PABPC4L: variants seen among roughly 807,000 people sequenced by gnomAD.
The protein encoded by PABPC4L is polyadenylate-binding protein 4-like.
For synonymous variants in PABPC4L, 169 were observed against 164.1 expected (o/e 1.03, Z -0.23); for missense variants, 452 against 451.4 (o/e 1.00, Z -0.01).
chr4:134,129,309 C>A, the PABPC4L span, among the ~76,000 whole-genome samples: 1 of 152,060 alleles, frequency 6.6e-6, no homozygotes, highest in African/African-American at 2.4e-5. Flanking sequence ...TTAGACTATA[C>A]CCTAGAACAA....
the PABPC4L span, among the ~76,000 whole-genome samples, chr4:134,180,524 C>T: frequency 2.6e-5 from 4 of 151,466 alleles, no homozygotes; most frequent in Non-Finnish European, 5.9e-5. Context: ...CAAGAAATAA[C>T]CAAAGTTAGA....
chr4:133,958,846 C>G, the PABPC4L span, among the ~76,000 whole-genome samples: 8 of 152,108 alleles, frequency 5.3e-5, no homozygotes, highest in Non-Finnish European at 1.0e-4. Flanking sequence ...AACTACAATT[C>G]AAAATGAGAT....
At chr4:134,059,386 C>CTATATATATATATA in the PABPC4L span, among the ~76,000 whole-genome samples, 22 of 142,536 alleles carry the variant, frequency 1.5e-4, no homozygotes, top group Non-Finnish European at 2.6e-4. Flanking sequence ...AGGAAACAAA[C>CTATATATATATATA]TATATATATA....
chr4:134,011,301 T>C, the PABPC4L span, among the ~76,000 whole-genome samples: 1 of 152,030 alleles, frequency 6.6e-6, no homozygotes, highest in Admixed American at 6.6e-5. Context: ...ATCAGGAAAT[T>C]AGTTAACATT....
chr4:134,141,374 G>T, the PABPC4L span, among the ~76,000 whole-genome samples: 4 of 143,478 alleles, frequency 2.8e-5, no homozygotes, highest in East Asian at 8.0e-4. Context: ...GGATAAAAAT[G>T]AAAAAAAAAA....
At chr4:134,083,761 CT>C in the PABPC4L span, among the ~76,000 whole-genome samples, 1 of 152,146 alleles carries the variant, frequency 6.6e-6, no homozygotes, top group African/African-American at 2.4e-5. Context: ...GACAACAGGT[CT>C]AAAAGCATCA....
At chr4:133,996,837 G>A in the PABPC4L span, among the ~76,000 whole-genome samples, 1 of 152,162 alleles carries the variant, frequency 6.6e-6, no homozygotes, top group Admixed American at 6.5e-5. Flanking sequence ...AAGGCTTGGA[G>A]CAAACACAAT....
At chr4:134,051,498 G>A in the PABPC4L span, among the ~76,000 whole-genome samples, 1 of 152,118 alleles carries the variant, frequency 6.6e-6, no homozygotes, top group East Asian at 1.9e-4. Flanking sequence ...ACTGCCAATT[G>A]AGCATTCTGG....
chr4:133,949,479 T>C, the PABPC4L span, among the ~76,000 whole-genome samples: 12 of 152,200 alleles, frequency 7.9e-5, no homozygotes, highest in Non-Finnish European at 2.9e-5. Context: ...CCACCCCCAG[T>C]GAAGGGGCTC....
chr4:134,148,479 A>C, the PABPC4L span, among the ~76,000 whole-genome samples: 1 of 152,064 alleles, frequency 6.6e-6, no homozygotes, highest in African/African-American at 2.4e-5. Context: ...TCCATCTTTT[A>C]CTGCTCCTAT....
At chr4:133,992,518 C>T in the PABPC4L span, among the ~76,000 whole-genome samples, 27 of 152,206 alleles carry the variant, frequency 1.8e-4, no homozygotes, top group East Asian at 4.1e-3. Context: ...TTTTACCTGG[C>T]ACCTTAGTCC....
At chr4:134,132,721 A>G in the PABPC4L span, among the ~76,000 whole-genome samples, 15 of 151,794 alleles carry the variant, frequency 9.9e-5, no homozygotes, top group African/African-American at 3.6e-4. Flanking sequence ...ATTTACCCAG[A>G]GGAACATAAG....
the PABPC4L span, among the ~76,000 whole-genome samples, chr4:134,066,774 C>CT: frequency 6.6e-6 from 1 of 151,872 alleles, no homozygotes; most frequent in Non-Finnish European, 1.5e-5. Flanking sequence ...TACTAAAAGC[C>CT]TTTTTTGCAT....
chr4:134,030,644 T>G, the PABPC4L span, among the ~76,000 whole-genome samples: 8 of 151,586 alleles, frequency 5.3e-5, no homozygotes, highest in Non-Finnish European at 8.8e-5. Flanking sequence ...CTAATAATTC[T>G]TGACATTTTG....
the PABPC4L span, among the ~76,000 whole-genome samples, chr4:134,168,821 G>C: frequency 6.6e-6 from 1 of 151,874 alleles, no homozygotes; most frequent in African/African-American, 2.4e-5. Flanking sequence ...TTTCTCAGCT[G>C]AATTTTAACA....
chr4:134,129,321 T>C, the PABPC4L span, among the ~76,000 whole-genome samples: 1 of 152,056 alleles, frequency 6.6e-6, no homozygotes, highest in Admixed American at 6.6e-5. Flanking sequence ...CTAGAACAAA[T>C]GGATTTCACA....
the PABPC4L span, among the ~76,000 whole-genome samples, chr4:134,061,947 A>G: frequency 6.6e-6 from 1 of 151,870 alleles, no homozygotes; most frequent in African/African-American, 2.4e-5. Flanking sequence ...TTGAATACCA[A>G]CCCTCATAGG....
the PABPC4L span, among the ~76,000 whole-genome samples, chr4:134,037,551 A>G: frequency 1.3e-5 from 2 of 152,270 alleles, no homozygotes; most frequent in African/African-American, 2.4e-5. Context: ...TCTGCAAGGA[A>G]TACAAACAAA....
the PABPC4L span, among the ~76,000 whole-genome samples, chr4:133,977,267 T>C: frequency 6.6e-6 from 1 of 152,070 alleles, no homozygotes; most frequent in African/African-American, 2.4e-5. Context: ...TTTCCATTGG[T>C]CTATGTGCCT....
Sources: allele counts gnomAD v4.1 joint callset (sites outside exome capture counted in the v4.1 genomes callset), GRCh38; gene constraint gnomAD v4.1.1; transcripts MANE v1.5; gene names NCBI Gene and HGNC (gene_info 2026-07-23, HGNC 2026-07-21).